The following GRIA1 variants were observed in gnomAD, a reference collection of about 807,000 sequenced individuals.
The protein encoded by GRIA1 is glutamate receptor 1.
A neutral mutation model predicts 99.2 loss-of-function variants in GRIA1; 31 were observed. The observed-to-expected ratio is 0.31, with a 90% CI of 0.23 to 0.42. The LOEUF (loss-of-function observed/expected upper bound fraction) is 0.42, where lower values mean the gene tolerates loss of function less well. Among genes scored for constraint, GRIA1 ranks in the 10% least tolerant of loss-of-function variants. The probability of loss-of-function intolerance (pLI) is 1.00; values close to 1 mark genes in which losing one functional copy is unlikely to be tolerated. For missense variants in GRIA1, 782 were observed against 1,157.5 expected (o/e 0.68, Z 4.71); for synonymous variants, 438 against 432.4 (o/e 1.01, Z -0.16).
chr5:153,507,675 C>A (rs1755669812), intron 2 of GRIA1, among the ~76,000 whole-genome samples: 1 of 152,180 alleles, frequency 6.6e-6, no homozygotes, highest in Non-Finnish European at 1.5e-5. Context: ...CTGTCATCTT[C>A]ATGATATAAT....
At chr5:153,794,786 C>A (rs773072407) in intron 14 of GRIA1, 51 bp downstream of exon 14, 1 of 1,068,110 alleles carries the variant, frequency 9.4e-7, no homozygotes, top group Non-Finnish European at 1.4e-6. Flanking sequence ...AATAGCATGG[C>A]TGGTAACCAG....
At chr5:153,712,429 C>T (rs867691699) in intron 11 of GRIA1, among the ~76,000 whole-genome samples, 1 of 152,302 alleles carries the variant, frequency 6.6e-6, no homozygotes, top group African/African-American at 2.4e-5. Context: ...CCAACGATAG[C>T]CTGACCTTTG....
At chr5:153,806,080 G>T (rs987148253) in intron 15 of GRIA1, among the ~76,000 whole-genome samples, 1 of 152,114 alleles carries the variant, frequency 6.6e-6, no homozygotes, top group South Asian at 2.1e-4. Flanking sequence ...TTTCAGCTTT[G>T]CAGCTCTCTT....
At chr5:153,760,205 C>T (rs1230584612) in intron 11 of GRIA1, among the ~76,000 whole-genome samples, 1 of 151,680 alleles carries the variant, frequency 6.6e-6, no homozygotes, top group East Asian at 1.9e-4. Flanking sequence ...AGCAATCAGG[C>T]AAGAGAAAAA....
intron 2 of GRIA1, among the ~76,000 whole-genome samples, chr5:153,594,540 T>G (rs1764260150): frequency 6.6e-6 from 1 of 152,202 alleles, no homozygotes. Context: ...GTATGTTTTT[T>G]TAATGTGTTC....
chr5:153,495,164 G>A (rs552076386), intron 2 of GRIA1, among the ~76,000 whole-genome samples: 1 of 152,268 alleles, frequency 6.6e-6, no homozygotes, highest in African/African-American at 2.4e-5. Context: ...AATTATAGCA[G>A]ATTTCATTTA....
At chr5:153,600,793 A>C (rs1198270753) in intron 2 of GRIA1, among the ~76,000 whole-genome samples, 1 of 152,232 alleles carries the variant, frequency 6.6e-6, no homozygotes, top group Non-Finnish European at 1.5e-5. Flanking sequence ...ACTTGAATTA[A>C]ATGAGCTTTG....
intron 8 of GRIA1, among the ~76,000 whole-genome samples, chr5:153,690,321 G>A (rs1757654003): frequency 6.6e-6 from 1 of 152,000 alleles, no homozygotes; most frequent in Admixed American, 6.6e-5. Flanking sequence ...CTGACAGGGT[G>A]GCTAAGAGCT....
intron 1 of GRIA1, 150 bp downstream of exon 1, chr5:153,491,120 A>G (rs752475276): frequency 9.9e-5 from 100 of 1,010,670 alleles, no homozygotes; most frequent in Non-Finnish European, 1.4e-4. Flanking sequence ...ACTTGGGCTT[A>G]CAGCCAGAGG....
At chr5:153,770,037 A>G (rs1763768481) in intron 12 of GRIA1, 131 bp from the exon 13 acceptor site, 2 of 876,370 alleles carry the variant, frequency 2.3e-6, no homozygotes, top group African/African-American at 3.3e-5. Flanking sequence ...GCAATCACTC[A>G]TAATTTGTTT....
At chr5:153,518,660 T>C in intron 2 of GRIA1, among the ~76,000 whole-genome samples, 1 of 152,248 alleles carries the variant, frequency 6.6e-6, no homozygotes, top group East Asian at 1.9e-4. Context: ...TGGCCAAACT[T>C]GAGCCATTAT....
chr5:153,515,406 A>G (rs1756517308), intron 2 of GRIA1, among the ~76,000 whole-genome samples: 1 of 152,220 alleles, frequency 6.6e-6, no homozygotes, highest in South Asian at 2.1e-4. Context: ...GATCTCATTC[A>G]TATGTGAAAT....
intron 2 of GRIA1, among the ~76,000 whole-genome samples, chr5:153,563,162 G>A (rs1481417599): frequency 2.7e-5 from 4 of 148,732 alleles, no homozygotes; most frequent in Admixed American, 6.7e-5. Flanking sequence ...GCGACAGAGC[G>A]AGACTCTGTC....
At chr5:153,541,382 T>TA (rs1236781939) in intron 2 of GRIA1, among the ~76,000 whole-genome samples, 1 of 152,208 alleles carries the variant, frequency 6.6e-6, no homozygotes, top group Non-Finnish European at 1.5e-5. Context: ...TGAAGGACAC[T>TA]ATTTGTGCCA....
At position 153,498,072 on chromosome 5, in the gene GRIA1, A is replaced by G. The variant is rs528749665; in HGVS notation, c.220+4007A>G. Among the ~76,000 whole-genome samples the G allele has an allele frequency of 8.5e-5, 13 of 152,272 alleles. 1 individual carries two copies. Among genetic ancestry groups the G allele is most frequent in the African/African-American group, 3.1e-4 (13 of 41,568 alleles). ...AGCACAGAGACTGAGTTCTGGGCCC[A>G]TACACTGTGTAAGAACCATGGAATT... On this transcript the variant is annotated intron_variant, in intron 2 of 15. Coordinates refer to ENST00000285900, the MANE Select transcript of GRIA1 (RefSeq NM_000827.4).
intron 2 of GRIA1, among the ~76,000 whole-genome samples, chr5:153,581,649 C>T (rs887021824): frequency 3.9e-5 from 6 of 152,176 alleles, no homozygotes; most frequent in African/African-American, 1.4e-4. Context: ...ACTCCTACCC[C>T]TCTGTACATC....
chr5:153,569,424 G>C (rs1051611998), intron 2 of GRIA1, among the ~76,000 whole-genome samples: 2 of 152,156 alleles, frequency 1.3e-5, no homozygotes, highest in Non-Finnish European at 2.9e-5. Flanking sequence ...ATAAAATTGT[G>C]AATCTTTATT....
At chr5:153,560,997 T>A (rs562304621) in intron 2 of GRIA1, among the ~76,000 whole-genome samples, 5 of 152,276 alleles carry the variant, frequency 3.3e-5, no homozygotes, top group African/African-American at 1.2e-4. Context: ...TTTTTTAGGT[T>A]GATTCCTGTA....
chr5:153,607,203 G>A (rs1333866329), intron 2 of GRIA1, among the ~76,000 whole-genome samples: 3 of 151,548 alleles, frequency 2.0e-5, no homozygotes, highest in African/African-American at 7.3e-5. Flanking sequence ...TTTCCTCTGG[G>A]TAGATTTATA....
Sources: allele counts gnomAD v4.1 joint callset (sites outside exome capture counted in the v4.1 genomes callset), GRCh38; gene constraint gnomAD v4.1.1; transcripts MANE v1.5; gene names NCBI Gene and HGNC (gene_info 2026-07-23, HGNC 2026-07-21).